Variants in AGO2 observed in about 807,000 individuals in gnomAD.
The protein encoded by AGO2 is protein argonaute-2.
A neutral mutation model predicts 102.3 loss-of-function variants in AGO2; 5 were observed. The ratio of observed to expected loss-of-function variants is 0.05; its 90% CI spans 0.03 to 0.10. The LOEUF is 0.10. Ranked by LOEUF, AGO2 falls within the 10% of genes least tolerant of loss-of-function variation. AGO2 has a pLI of 1.00. For synonymous variants in AGO2, 449 were observed against 473.1 expected (o/e 0.95, Z 0.66); for missense variants, 541 against 1,183.7 (o/e 0.46, Z 7.97).
intron 10 of AGO2, among the ~76,000 whole-genome samples, chr8:140,552,740 G>GCACA (rs58668484): frequency 4.6e-5 from 6 of 130,882 alleles, no homozygotes; most frequent in South Asian, 2.4e-4. Context: ...GCGCGCGCGC[G>GCACA]CACACACACA....
intron 16 of AGO2, among the ~76,000 whole-genome samples, chr8:140,538,105 C>G (rs1010274050): frequency 6.6e-6 from 1 of 152,238 alleles, no homozygotes; most frequent in African/African-American, 2.4e-5. Context: ...CAGGCGTGAG[C>G]CACCGTGCCT....
At chr8:140,576,303 G>T (rs185543061) in intron 2 of AGO2, among the ~76,000 whole-genome samples, 1 of 152,204 alleles carries the variant, frequency 6.6e-6, no homozygotes, top group Non-Finnish European at 1.5e-5. Context: ...ATGACAGAGT[G>T]AGACTCTATC....
At position 140,562,547 on chromosome 8, in the gene AGO2, C is replaced by T. The variant is rs753058876; in HGVS notation, c.424G>A (p.Ala142Thr). 1.2e-6 allele frequency: 2 copies of T among 1,614,160 alleles called. No homozygotes were observed. The highest frequency in any genetic ancestry group is 1.7e-6 in the Non-Finnish European group (2 of 1,180,050). Residue 142 changes from alanine (A) to threonine (T), a missense_variant, in exon 4 of 19, where the codon GCG becomes ACG. This residue lies in a region of AGO2 where 147 missense variants were observed against 204.1 expected (regional missense o/e 0.72). Transcript: ENST00000220592. ...CGCCCTGAAAGTGCATCGTGTAACG[C>T]CTGCAAGCTCACGCAGGACACCCAC... ...IKWVSCVSLQ[A>T]LHDALSGRLP...
intron 3 of AGO2, 45 bp downstream of exon 3, chr8:140,572,762 GCTTTA>G: frequency 6.3e-7 from 1 of 1,587,020 alleles, no homozygotes; most frequent in South Asian, 1.1e-5. Context: ...ACATGTGTGA[GCTTTA>G]CTTCACCGTA....
At chr8:140,609,459 G>A (rs1034043054) in intron 1 of AGO2, among the ~76,000 whole-genome samples, 4 of 152,214 alleles carry the variant, frequency 2.6e-5, no homozygotes, top group African/African-American at 9.6e-5. Flanking sequence ...GGCCACAGCA[G>A]GTCGGCACGG....
At chr8:140,630,819 TCAAGATG>T (rs1470340907) in intron 1 of AGO2, among the ~76,000 whole-genome samples, 32 of 152,264 alleles carry the variant, frequency 2.1e-4, no homozygotes, top group African/African-American at 7.5e-4. Flanking sequence ...AACTGAAAAC[TCAAGATG>T]CAAAGGGACC....
Position 140,597,338 on chromosome 8 carries a change from G to A in AGO2, c.23-12027C>T, listed in dbSNP as rs142419440. On this transcript the variant is annotated intron_variant, in intron 1 of 18. Transcript: ENST00000220592. ...CTCCAGTGCCAACGCAGCGCAGCAC[G>A]GATGCAGGGCAGCGTGGGCAGCGGT... 8.8e-3 allele frequency among the ~76,000 whole-genome samples: 1,345 copies of A among 152,332 alleles called. 8 individuals carry two copies. The highest frequency in any genetic ancestry group is 0.016 in the Admixed American group (238 of 15,302).
At chr8:140,635,333 C>G (rs1299147767) in intron 1 of AGO2, 152 bp downstream of exon 1, 2 of 442,550 alleles carry the variant, frequency 4.5e-6, no homozygotes, top group Admixed American at 6.7e-5. Flanking sequence ...CCTCGAGCCC[C>G]CAAGCGCGGC....
At chr8:140,553,432 G>A (rs939776179) in intron 10 of AGO2, among the ~76,000 whole-genome samples, 6 of 146,158 alleles carry the variant, frequency 4.1e-5, no homozygotes, top group Middle Eastern at 3.4e-3. Flanking sequence ...TTTTTGAGAC[G>A]GAGTTTCGCT....
Position 140,557,586 on chromosome 8 carries a change from C to T in AGO2, c.879-350G>A, listed in dbSNP as rs773290071. 1.3e-5 allele frequency among the ~76,000 whole-genome samples: 2 copies of T among 152,184 alleles called. No individual in the cohort carries two copies. Among genetic ancestry groups the T allele is most frequent in the Middle Eastern group, 3.2e-3 (1 of 316 alleles). ...GTGACCCTGGAAGCCTTTTACGTGC[C>T]GCGCGCTCCCGGTGCCCAGAAGGCC... On this transcript the variant is annotated intron_variant, in intron 7 of 18. Transcript: ENST00000220592. This position sits in a 1 kb window ranked among gnomAD's most constrained non-coding sequence, Gnocchi z 5.9.
intron 2 of AGO2, among the ~76,000 whole-genome samples, chr8:140,582,774 T>G (rs1168134770): frequency 6.6e-6 from 1 of 152,202 alleles, no homozygotes; most frequent in Non-Finnish European, 1.5e-5. Context: ...TTTTAAAAAT[T>G]TATAAATTGG....
intron 14 of AGO2, among the ~76,000 whole-genome samples, chr8:140,543,851 C>T (rs914928528): frequency 1.3e-5 from 2 of 152,190 alleles, no homozygotes; most frequent in East Asian, 1.9e-4. Flanking sequence ...GTCTGGGGTT[C>T]GGGGCTGTGT....
chr8:140,573,606 G>GGGAGAACCTGATAC (rs2073419771), intron 2 of AGO2, among the ~76,000 whole-genome samples: 1 of 152,234 alleles, frequency 6.6e-6, no homozygotes, highest in Non-Finnish European at 1.5e-5. Context: ...AGTGAAACAC[G>GGGAGAACCTGATAC]GGAGAACCTG....
Position 140,545,831 on chromosome 8 carries a change from C to T in AGO2, c.1749-1528G>A, listed in dbSNP as rs184990289. Among the ~76,000 whole-genome samples, 578 of 152,348 alleles carry T rather than the reference C, an allele frequency of 3.8e-3. 4 individuals are homozygous for T. Among genetic ancestry groups the T allele is most frequent in the African/African-American group, 0.013 (536 of 41,582 alleles). The stretch of plus-strand genomic sequence containing the variant: ...AGGCCACCAGCCCCTCTCGGCTTCA[C>T]GGAGCCAGAGGTGGCCACACTGTCG... On this transcript the variant is annotated intron_variant, in intron 13 of 18. Coordinates refer to ENST00000220592, the MANE Select transcript of AGO2 (RefSeq NM_012154.5).
At chr8:140,594,727 G>A (rs1457956275) in intron 1 of AGO2, among the ~76,000 whole-genome samples, 2 of 151,966 alleles carry the variant, frequency 1.3e-5, no homozygotes, top group Non-Finnish European at 2.9e-5. Context: ...AGGATCACTT[G>A]AGCCTGGGGA....
intron 8 of AGO2, 106 bp downstream of exon 8, chr8:140,556,983 C>T: frequency 6.9e-7 from 1 of 1,449,616 alleles, no homozygotes; most frequent in Non-Finnish European, 9.3e-7. Context: ...GAGGCAGTGC[C>T]ATTTGTATCT....
At chr8:140,572,588 A>T in intron 3 of AGO2, 1 of 506,338 alleles carries the variant, frequency 2.0e-6, no homozygotes, top group Non-Finnish European at 3.2e-6. Context: ...CAAGTTCTCG[A>T]TATCCGTGTC....
chr8:140,633,793 G>T (rs537785454), intron 1 of AGO2, among the ~76,000 whole-genome samples: 49 of 152,296 alleles, frequency 3.2e-4, no homozygotes, highest in Admixed American at 2.0e-3. Context: ...GTGTGACCTT[G>T]GTGAAGTTCT....
chr8:140,607,280 G>C (rs182405770), intron 1 of AGO2, among the ~76,000 whole-genome samples: 1 of 151,400 alleles, frequency 6.6e-6, no homozygotes, highest in South Asian at 2.1e-4. Context: ...TTAAAAATGA[G>C]CCAGTTGCAA....
Sources: gnomAD v4.1 joint callset for allele counts (sites outside exome capture counted in the v4.1 genomes callset) on GRCh38, gnomAD v4.1.1 for gene constraint, gnomAD v4.1.1 regional missense constraint, Gnocchi (gnomAD v3.1) non-coding constraint, MANE v1.5 for transcripts, NCBI Gene and HGNC (gene_info 2026-07-23, HGNC 2026-07-21) for gene names.